PCDHGA4: variants seen among roughly 807,000 people sequenced by gnomAD.
The protein encoded by PCDHGA4 is protocadherin gamma subfamily A, 4.
PCDHGA4 carries 38 observed loss-of-function variants against 54.6 expected under a neutral mutation model. The observed-to-expected ratio is 0.70, with a 90% CI of 0.54 to 0.91. The LOEUF is 0.91. PCDHGA4 is among the 40% of genes least tolerant of loss of function. The pLI is 0.00. For synonymous variants in PCDHGA4, 511 were observed against 512.9 expected (o/e 1.00, Z 0.05); for missense variants, 1,298 against 1,220.9 (o/e 1.06, Z -0.94).
intron 2 of PCDHGA4, among the ~76,000 whole-genome samples, chr5:141,500,775 T>C (rs1251282826): frequency 6.6e-6 from 1 of 152,218 alleles, no homozygotes; most frequent in Non-Finnish European, 1.5e-5. Context: ...CTTATGAATA[T>C]ACATATTATT....
chr5:141,433,048 G>T (rs777523454), intron 1 of PCDHGA4: 20 of 1,614,142 alleles, frequency 1.2e-5, no homozygotes, highest in Non-Finnish European at 1.5e-5. Flanking sequence ...CCACGGACTC[G>T]CGGAAGAGTC....
chr5:141,399,909 A>G (rs1181363803), intron 1 of PCDHGA4: 6 of 1,612,410 alleles, frequency 3.7e-6, no homozygotes, highest in East Asian at 4.5e-5. Flanking sequence ...ACGCAGACTC[A>G]GGACACAACG....
chr5:141,390,437 T>C (rs1182289355), intron 1 of PCDHGA4: 42 of 933,186 alleles, frequency 4.5e-5, no homozygotes, highest in Non-Finnish European at 6.5e-5. Flanking sequence ...CATATCATTC[T>C]ACAAAGGAGG....
At chr5:141,422,153 AT>A (rs750082013) in intron 1 of PCDHGA4, 4 of 1,575,250 alleles carry the variant, frequency 2.5e-6, no homozygotes, top group Non-Finnish European at 3.4e-6. Context: ...GGGTCTCTGG[AT>A]TTTGAAAAAT....
At chr5:141,363,665 G>T (rs951901062) in intron 1 of PCDHGA4, among the ~76,000 whole-genome samples, 1 of 152,228 alleles carries the variant, frequency 6.6e-6, no homozygotes, top group African/African-American at 2.4e-5. Flanking sequence ...TATTTCTTCT[G>T]CATATGACAG....
At chr5:141,364,959 T>A (rs1318302569) in intron 1 of PCDHGA4, 1 of 1,613,876 alleles carries the variant, frequency 6.2e-7, no homozygotes, top group Non-Finnish European at 8.5e-7. Flanking sequence ...GTTCACGACC[T>A]CCTCCTCACA....
At chr5:141,392,730 C>T (rs1374381872) in intron 1 of PCDHGA4, 10 of 1,409,212 alleles carry the variant, frequency 7.1e-6, no homozygotes, top group Non-Finnish European at 8.4e-6. Context: ...GGAGGATTGT[C>T]ATCTCCATAG....
chr5:141,457,997 G>A (rs2098934533), intron 1 of PCDHGA4, among the ~76,000 whole-genome samples: 1 of 152,152 alleles, frequency 6.6e-6, no homozygotes, highest in Non-Finnish European at 1.5e-5. Context: ...TAAAGCCTTG[G>A]CAAAATAACC....
chr5:141,463,446 T>TC, intron 1 of PCDHGA4, among the ~76,000 whole-genome samples: 1 of 125,012 alleles, frequency 8.0e-6, no homozygotes, highest in Non-Finnish European at 1.7e-5. Flanking sequence ...TCCTTTTTTT[T>TC]TTTTTTTTTT....
intron 1 of PCDHGA4, chr5:141,376,319 G>C: frequency 3.7e-6 from 6 of 1,614,220 alleles, no homozygotes; most frequent in Non-Finnish European, 4.2e-6. Context: ...CGTGGAAGGG[G>C]TTCGGGCTTT....
In PCDHGA4 at chr5:141,420,182, C is replaced by G. The variant is rs375716662; in HGVS notation, c.2514+62561C>G. The G allele has an allele frequency of 3.7e-6, 6 of 1,613,694 alleles. No individual in the cohort carries two copies. In the African/African-American group the frequency reaches 8.0e-5, roughly 22 times the overall value. Reference sequence around the variant, plus strand: ...TTTTTTCACATCTGTTGATCATTGTCCAGCCACACAAGATAACCTCAACAA... The same window carrying G: ...TTTTTTCACATCTGTTGATCATTGTGCAGCCACACAAGATAACCTCAACAA... On this transcript the variant is annotated intron_variant, in intron 1 of 3. Transcript: ENST00000571252.
intron 1 of PCDHGA4, chr5:141,419,537 C>G (rs368875631): frequency 1.2e-6 from 2 of 1,612,040 alleles, no homozygotes; most frequent in Non-Finnish European, 1.7e-6. Flanking sequence ...CGACAACGCA[C>G]CGCGGGTGCT....
intron 1 of PCDHGA4, chr5:141,410,641 T>G: frequency 6.3e-7 from 1 of 1,599,146 alleles, no homozygotes. Context: ...CTTTTTTGTG[T>G]GTGATTTATC....
At position 141,432,319 on chromosome 5, in the gene PCDHGA4, C is replaced by A; in HGVS notation, c.2515-62488C>A. The A allele has an allele frequency of 6.2e-7, 1 of 1,614,264 alleles. No individual in the cohort carries two copies. Among genetic ancestry groups the A allele is most frequent in the South Asian group, 1.1e-5 (1 of 91,088 alleles). ...GGGTACTGTATGCGCTGAGCTCCTTCGACTACGAGCAGTTCCGAGACTTGC... is the reference window on the plus strand; with the variant it reads ...GGGTACTGTATGCGCTGAGCTCCTTAGACTACGAGCAGTTCCGAGACTTGC... On this transcript the variant is annotated intron_variant, in intron 1 of 3. Transcript: ENST00000571252. The surrounding 1 kb of genome is among the most constrained non-coding windows in gnomAD (Gnocchi z 6.0).
intron 1 of PCDHGA4, among the ~76,000 whole-genome samples, chr5:141,462,877 T>G (rs1387501705): frequency 1.3e-5 from 2 of 152,240 alleles, no homozygotes; most frequent in African/African-American, 4.8e-5. Flanking sequence ...CTTTAAGAAC[T>G]ATTGCAGTTT....
chr5:141,419,218 A>G, intron 1 of PCDHGA4: 1 of 1,613,940 alleles, frequency 6.2e-7, no homozygotes, highest in Non-Finnish European at 8.5e-7. Flanking sequence ...CGGTTTTCGG[A>G]CAGTCAGCCT....
At position 141,432,143 on chromosome 5, in the gene PCDHGA4, C is replaced by A; in HGVS notation, c.2515-62664C>A. The A allele has an allele frequency of 6.2e-7, 1 of 1,614,084 alleles. No homozygotes were observed. Among genetic ancestry groups the A allele is most frequent in the South Asian group, 1.1e-5 (1 of 91,068 alleles). On this transcript the variant is annotated intron_variant, in intron 1 of 3. Transcript: ENST00000571252. The surrounding 1 kb of genome is among the most constrained non-coding windows in gnomAD (Gnocchi z 6.0). ...TCAGGCCTCCTATTCCGCTTATATC[C>A]CAGAGAACAATCCCAGAGGAGTTTC... is the stretch of plus-strand genomic sequence containing the variant.
At chr5:141,483,179 G>C (rs2099577971) in intron 1 of PCDHGA4, among the ~76,000 whole-genome samples, 2 of 152,294 alleles carry the variant, frequency 1.3e-5, no homozygotes, top group African/African-American at 4.8e-5. Flanking sequence ...TTTGGGCCAA[G>C]CCAAGGAGTT....
intron 1 of PCDHGA4, chr5:141,384,775 G>T (rs1392115505): frequency 1.9e-6 from 3 of 1,613,792 alleles, no homozygotes; most frequent in African/African-American, 1.3e-5. Context: ...CACGGGCGAG[G>T]TGCGCACGGC....
Sources: gnomAD v4.1 joint callset for allele counts (sites outside exome capture counted in the v4.1 genomes callset) on GRCh38, gnomAD v4.1.1 for gene constraint, Gnocchi (gnomAD v3.1) non-coding constraint, MANE v1.5 for transcripts, NCBI Gene and HGNC (gene_info 2026-07-23, HGNC 2026-07-21) for gene names.